The following GIPR variants were observed in gnomAD, a reference collection of about 807,000 sequenced individuals.
The protein encoded by GIPR is gastric inhibitory polypeptide receptor.
GIPR carries 74 observed loss-of-function variants against 62.2 expected under a neutral mutation model. The observed-to-expected ratio is 1.19, with a 90% CI of 0.99 to 1.44. The LOEUF (loss-of-function observed/expected upper bound fraction) is 1.44. Ranked by LOEUF, GIPR falls within the 40% of genes most tolerant of loss-of-function variation. GIPR has a pLI of 0.00. For synonymous variants in GIPR, 256 were observed against 262.2 expected, an observed-to-expected ratio of 0.98 and a Z score of 0.23; for missense variants, 664 against 611.8, an observed-to-expected ratio of 1.09 and a Z score of -0.90.
chr19:45,674,541 A>G, intron 6 of GIPR, 141 bp from the exon 7 acceptor site: 1 of 757,110 alleles, frequency 1.3e-6, no homozygotes, highest in East Asian at 2.6e-5. Flanking sequence ...CAGGAGGTTG[A>G]GGCTGCAGTG....
At position 45,682,225 on chromosome 19, in the gene GIPR, T is replaced by A; in HGVS notation, c.*290T>A. 4.9e-5 allele frequency: 20 copies of A among 404,390 alleles called. No homozygotes were observed. Among genetic ancestry groups the A allele is most frequent in the Middle Eastern group, 1.4e-3 (2 of 1,442 alleles). The allele number at this position is 404,390 out of a possible 1,614,324, so 25.1% of individuals were successfully genotyped here. ...CCATCCCCGAAAGAGGTGAAAGAGA[T>A]CACTTTGGGGAGAGCTGGAGAACAG... is the stretch of plus-strand genomic sequence containing the variant. On this transcript the variant is annotated 3_prime_UTR_variant, in exon 14 of 14. Coordinates refer to ENST00000590918, the MANE Select transcript of GIPR (RefSeq NM_000164.4).
At chr19:45,678,840 C>T (rs927185731) in intron 12 of GIPR, among the ~76,000 whole-genome samples, 1 of 152,208 alleles carries the variant, frequency 6.6e-6, no homozygotes, top group African/African-American at 2.4e-5. Context: ...TAGCTGTTTG[C>T]CAGCTGTGTG....
At chr19:45,677,845 ACCT>A (rs1967035780) in intron 10 of GIPR, 58 bp from the exon 11 acceptor site, 1 of 1,595,836 alleles carries the variant, frequency 6.3e-7, no homozygotes, top group African/African-American at 1.3e-5. Context: ...GTGGGCTGCC[ACCT>A]CCTCCTGCCC....
At chr19:45,668,876 C>G (rs183852640) in intron 1 of GIPR, among the ~76,000 whole-genome samples, 1 of 152,332 alleles carries the variant, frequency 6.6e-6, no homozygotes, top group African/African-American at 2.4e-5. Context: ...TTATCTACCC[C>G]CAGCGGGGAA....
chr19:45,669,499 C>T lies in GIPR; in HGVS notation c.-22C>T, dbSNP rs768665546. 4.5e-6 allele frequency: 7 copies of T among 1,564,922 alleles called. No individual in the cohort carries two copies. The highest frequency in any genetic ancestry group is 6.0e-6 in the Non-Finnish European group (7 of 1,158,256). On this transcript the variant is annotated 5_prime_UTR_variant, in exon 2 of 14. Transcript: ENST00000590918. Reference sequence around the variant, plus strand: ...CAGGCCTGATCGCCCCTGCACGAACCAGACCCTTCGCCGCCCTCACGATGA... The same window carrying T: ...CAGGCCTGATCGCCCCTGCACGAACTAGACCCTTCGCCGCCCTCACGATGA...
Position 45,677,759 on chromosome 19 carries a change from C to T in GIPR, c.904C>T (p.Pro302Ser), listed in dbSNP as rs748321836. 3.1e-6 allele frequency: 5 copies of T among 1,613,286 alleles called. No individual in the cohort carries two copies. In the South Asian group the frequency reaches 4.4e-5, roughly 14 times the overall value. The change falls in exon 10 of 14, where the codon CCC becomes TCC. Residue 302 changes from proline to serine, a missense_variant. Transcript: ENST00000590918. ...VKAIWWIIRT[P>S]ILMTILINFL... ...GGCCATTTGGTGGATTATACGGACC[C>T]CCATCCTCATGACCATCTTGGTAGG...
intron 7 of GIPR, among the ~76,000 whole-genome samples, chr19:45,676,248 A>C (rs536963652): frequency 6.6e-6 from 1 of 151,562 alleles, no homozygotes; most frequent in African/African-American, 2.4e-5. Flanking sequence ...AGGAGAGTCC[A>C]TAATGTGGGT....
intron 7 of GIPR, among the ~76,000 whole-genome samples, chr19:45,676,426 A>ATTT (rs869190523): frequency 0.058 from 4,298 of 73,720 alleles, 509 homozygotes; most frequent in Non-Finnish European, 0.061. Context: ...AAAGAAGCTG[A>ATTT]TTTTTTTTTT....
intron 5 of GIPR, 31 bp from the exon 6 acceptor site, chr19:45,674,043 C>G: frequency 1.5e-6 from 2 of 1,330,454 alleles, no homozygotes; most frequent in Non-Finnish European, 2.2e-6. Context: ...CGAGCCAAGC[C>G]TTGTTCCCTT....
chr19:45,670,606 G>C lies in GIPR; in HGVS notation c.73-29G>C, dbSNP rs551515236. 2.3e-4 allele frequency: 346 copies of C among 1,531,760 alleles called. 2 individuals carry two copies. The South Asian group carries it at 3.6e-3, about 16-fold the overall frequency. The allele number at this position is 1,531,760 out of a possible 1,614,324, so 94.9% of individuals were successfully genotyped here. A position where few individuals can be genotyped will look rare whatever the true frequency, so the allele number is the denominator to read the frequency against. On this transcript the variant is annotated intron_variant, in intron 2 of 13. Coordinates refer to ENST00000590918, the MANE Select transcript of GIPR (RefSeq NM_000164.4). ...CAGCCTGGGAGCGGGGGTCGGTCTG[G>C]GGGGGTCCTCCCTTCTTTCTTTTCC...
At chr19:45,670,476 C>T in intron 2 of GIPR, 159 bp from the exon 3 acceptor site, 1 of 554,692 alleles carries the variant, frequency 1.8e-6, no homozygotes. Flanking sequence ...CCAGGCACCC[C>T]ACCCCAAGAC....
chr19:45,677,195 C>T, intron 8 of GIPR, 87 bp downstream of exon 8: 1 of 1,462,464 alleles, frequency 6.8e-7, no homozygotes, highest in Non-Finnish European at 9.4e-7. Context: ...CTGCGGGTCT[C>T]CTCCCGTCTC....
intron 7 of GIPR, chr19:45,675,039 T>G: frequency 1.6e-6 from 1 of 620,138 alleles, no homozygotes; most frequent in Non-Finnish European, 3.0e-6. Flanking sequence ...TCTCCCAGCC[T>G]ATCACTCCCA....
In GIPR at chr19:45,669,530, TCTCCGATCCTGCAGCTG is replaced by T; in HGVS notation, c.13_29del (p.Pro5AlafsTer18). The T allele has an allele frequency of 5.7e-6, 9 of 1,576,752 alleles. No individual in the cohort carries two copies. The highest frequency in any genetic ancestry group is 7.7e-6 in the Non-Finnish European group (9 of 1,164,290). ...CTTCGCCGCCCTCACGATGACTACC[TCTCCGATCCTGCAGCTG>T]CTGCTGCGGCTCTCACTGTGCGGGC... On this transcript the variant is annotated frameshift_variant, in exon 2 of 14. Coordinates refer to ENST00000590918, the MANE Select transcript of GIPR (RefSeq NM_000164.4). LOFTEE classifies it high-confidence loss of function.
chr19:45,671,733 G>C (rs140443876), intron 4 of GIPR, among the ~76,000 whole-genome samples: 1 of 152,076 alleles, frequency 6.6e-6, no homozygotes, highest in Admixed American at 6.6e-5. Flanking sequence ...CCGAGAAGCC[G>C]GGATTACAGA....
chr19:45,674,255 T>C, intron 6 of GIPR, 78 bp downstream of exon 6: 2 of 925,738 alleles, frequency 2.2e-6, no homozygotes. Flanking sequence ...GGGTGGTCTG[T>C]TTCCACCAGG....
At chr19:45,676,261 T>G (rs1264847783) in intron 7 of GIPR, among the ~76,000 whole-genome samples, 3 of 150,346 alleles carry the variant, frequency 2.0e-5, no homozygotes, top group Non-Finnish European at 4.4e-5. Flanking sequence ...ATGTGGGTAC[T>G]GGCAGGGAGT....
At position 45,674,721 on chromosome 19, in the gene GIPR, G is replaced by A. The variant is rs747508720; in HGVS notation, c.528G>A (p.Leu176=). The change falls in exon 7 of 14, where the codon CTG becomes CTA. Residue 176 remains leucine, a synonymous_variant. Transcript: ENST00000590918. Reference sequence around the variant, plus strand: ...CTAGAAACTATATCCACATCAACCTGTTCACGTCTTTCATGCTGCGAGCTG... The same window carrying A: ...CTAGAAACTATATCCACATCAACCTATTCACGTCTTTCATGCTGCGAGCTG... ...HCTRNYIHIN[L]FTSFMLRAAA... 6.2e-7 allele frequency: 1 copy of A among 1,614,040 alleles called. No homozygotes were observed. The highest frequency in any genetic ancestry group is 1.1e-5 in the South Asian group (1 of 91,076).
Position 45,677,695 on chromosome 19 carries a change from C to G in GIPR, c.855-15C>G, listed in dbSNP as rs1281011471. On this transcript the variant is annotated splice_polypyrimidine_tract_variant and intron_variant, in intron 9 of 13. Transcript: ENST00000590918. The stretch of plus-strand genomic sequence containing the variant: ...AGAGTTTTTCTATCTCTTAGCTCTA[C>G]TCCGCCTTCCCCAGGTGCTGGGAGC... The G allele has an allele frequency of 4.4e-6, 7 of 1,606,462 alleles. No homozygotes were observed. In the East Asian group the frequency reaches 8.9e-5, roughly 20 times the overall value.
Sources: gnomAD v4.1 joint callset for allele counts (sites outside exome capture counted in the v4.1 genomes callset) on GRCh38, gnomAD v4.1.1 for gene constraint, MANE v1.5 for transcripts, NCBI Gene and HGNC (gene_info 2026-07-23, HGNC 2026-07-21) for gene names.